CDK19: variants seen among roughly 807,000 people sequenced by gnomAD.
The protein encoded by CDK19 is cyclin dependent kinase 19.
In CDK19, 20 loss-of-function variants were observed where a neutral mutation model predicts 68.3. The ratio of observed to expected loss-of-function variants is 0.29; its 90% CI spans 0.21 to 0.43. CDK19 has a LOEUF of 0.43. Ranked by LOEUF, CDK19 falls within the 20% of genes least tolerant of loss-of-function variation. The pLI is 1.00. For missense variants in CDK19, 339 were observed against 623.5 expected (o/e 0.54, Z 4.86); for synonymous variants, 221 against 222.8 (o/e 0.99, Z 0.07).
intron 1 of CDK19, among the ~76,000 whole-genome samples, chr6:110,781,999 G>C (rs1780861050): frequency 6.6e-6 from 1 of 152,094 alleles, no homozygotes; most frequent in South Asian, 2.1e-4. Flanking sequence ...AAGTTTAAAA[G>C]CTCATGCTAT....
chr6:110,785,369 C>T (rs762872733), intron 1 of CDK19, among the ~76,000 whole-genome samples: 2 of 152,166 alleles, frequency 1.3e-5, no homozygotes, highest in Non-Finnish European at 2.9e-5. Flanking sequence ...TCATAGCCTA[C>T]TGTTGACTGG....
intron 4 of CDK19, among the ~76,000 whole-genome samples, chr6:110,656,373 G>T (rs1341486972): frequency 6.6e-6 from 1 of 152,146 alleles, no homozygotes; most frequent in Non-Finnish European, 1.5e-5. Context: ...AGCTAAAAAT[G>T]ACAATTAGGT....
At chr6:110,639,528 G>A (rs1319489461) in intron 4 of CDK19, among the ~76,000 whole-genome samples, 1 of 152,152 alleles carries the variant, frequency 6.6e-6, no homozygotes, top group Non-Finnish European at 1.5e-5. Context: ...TAAAAACCAA[G>A]TTCCTAACCT....
At chr6:110,720,551 T>C (rs1582945273) in intron 2 of CDK19, among the ~76,000 whole-genome samples, 1 of 152,152 alleles carries the variant, frequency 6.6e-6, no homozygotes, top group East Asian at 1.9e-4. Flanking sequence ...AAAGAGAAGC[T>C]AGCTTCACTA....
chr6:110,806,237 G>C (rs183073846), intron 1 of CDK19, among the ~76,000 whole-genome samples: 4 of 151,414 alleles, frequency 2.6e-5, no homozygotes, highest in Admixed American at 2.6e-4. Flanking sequence ...CTACTTGGGA[G>C]GCTGAGGCAG....
intron 2 of CDK19, among the ~76,000 whole-genome samples, chr6:110,708,374 C>T (rs1774687033): frequency 6.6e-6 from 1 of 152,194 alleles, no homozygotes; most frequent in African/African-American, 2.4e-5. Flanking sequence ...TTCTGCTAAC[C>T]CTGCAGCTGC....
At chr6:110,758,432 A>C (rs1034164482) in intron 1 of CDK19, among the ~76,000 whole-genome samples, 4 of 152,130 alleles carry the variant, frequency 2.6e-5, no homozygotes, top group Admixed American at 2.0e-4. Flanking sequence ...ACCTTACCAT[A>C]CTTTATTATA....
At chr6:110,809,683 A>G (rs1782933977) in intron 1 of CDK19, among the ~76,000 whole-genome samples, 1 of 152,260 alleles carries the variant, frequency 6.6e-6, no homozygotes. Context: ...TAAGAAAAGT[A>G]AATAAACTTG....
At chr6:110,626,300 C>T (rs1488190040) in intron 8 of CDK19, among the ~76,000 whole-genome samples, 1 of 152,134 alleles carries the variant, frequency 6.6e-6, no homozygotes, top group South Asian at 2.1e-4. Context: ...ATGCTAAAAT[C>T]TCAGTTTCTA....
chr6:110,750,012 C>T (rs1041107780), intron 1 of CDK19, among the ~76,000 whole-genome samples: 2 of 145,352 alleles, frequency 1.4e-5, no homozygotes, highest in African/African-American at 2.5e-5. Context: ...CCTGGTGATC[C>T]GCCCGCCTTG....
At position 110,678,849 on chromosome 6, in the gene CDK19, T is replaced by C. The variant is rs191433088; in HGVS notation, c.205-8308A>G. 2.0e-5 allele frequency among the ~76,000 whole-genome samples: 3 copies of C among 152,298 alleles called. No individual in the cohort carries two copies. The East Asian group carries it at 5.8e-4, about 29-fold the overall frequency. ...TAATTCTCAACTATAAGCATACAAA[T>C]TATGTGCTGTCCGGTAGAGGTTCAC... On this transcript the variant is annotated intron_variant, in intron 2 of 12. Coordinates refer to ENST00000368911, the MANE Select transcript of CDK19 (RefSeq NM_015076.5).
intron 2 of CDK19, among the ~76,000 whole-genome samples, chr6:110,733,126 G>A (rs1438229288): frequency 1.3e-5 from 2 of 152,096 alleles, no homozygotes; most frequent in East Asian, 3.8e-4. Context: ...GCCCACCCAA[G>A]GCAATCACTA....
At chr6:110,705,198 G>A (rs1164147125) in intron 2 of CDK19, among the ~76,000 whole-genome samples, 3 of 151,986 alleles carry the variant, frequency 2.0e-5, no homozygotes, top group Admixed American at 1.3e-4. Context: ...GCGCCACCAC[G>A]CCCGGCTAAT....
intron 2 of CDK19, among the ~76,000 whole-genome samples, chr6:110,733,455 G>T (rs541652621): frequency 6.6e-6 from 1 of 152,128 alleles, no homozygotes; most frequent in African/African-American, 2.4e-5. Context: ...TTTCTCTTGG[G>T]TACAAATTAC....
chr6:110,783,819 T>A (rs1780994774), intron 1 of CDK19, among the ~76,000 whole-genome samples: 1 of 152,078 alleles, frequency 6.6e-6, no homozygotes, highest in Non-Finnish European at 1.5e-5. Flanking sequence ...TAAAAACTTT[T>A]GTGATTCAAA....
At chr6:110,655,853 A>G (rs1407963053) in intron 4 of CDK19, among the ~76,000 whole-genome samples, 6 of 152,210 alleles carry the variant, frequency 3.9e-5, no homozygotes, top group Non-Finnish European at 8.8e-5. Context: ...AGCTCAGGAA[A>G]CTGGACACAG....
rs1417915086 is a variant in CDK19 at position 110,617,820 on chromosome 6, G to A, written c.1378-3154C>T. 8.2e-5 allele frequency among the ~76,000 whole-genome samples: 9 copies of A among 109,716 alleles called. No homozygotes were observed. In the South Asian group the frequency reaches 1.5e-3, roughly 18 times the overall value. 72.0% of individuals were successfully genotyped at this position (109,716 alleles called of 152,430 possible). On this transcript the variant is annotated intron_variant, in intron 12 of 12. Coordinates refer to ENST00000368911, the MANE Select transcript of CDK19 (RefSeq NM_015076.5). ...TGTAGTGAGCCAAGATCACGTCACC[G>A]CACTCCAGCCTGGGTGACACAGTGA...
At chr6:110,781,777 G>C (rs1385173654) in intron 1 of CDK19, among the ~76,000 whole-genome samples, 2 of 151,392 alleles carry the variant, frequency 1.3e-5, no homozygotes, top group Non-Finnish European at 2.9e-5. Flanking sequence ...TCAGGAGGTG[G>C]AAGCTGCGGT....
intron 1 of CDK19, among the ~76,000 whole-genome samples, chr6:110,782,475 T>G (rs1026963893): frequency 1.3e-5 from 2 of 152,228 alleles, no homozygotes; most frequent in African/African-American, 4.8e-5. Context: ...AACAGCCATC[T>G]ACTTCCAATG....
Sources: gnomAD v4.1 joint callset for allele counts (sites outside exome capture counted in the v4.1 genomes callset) on GRCh38, gnomAD v4.1.1 for gene constraint, MANE v1.5 for transcripts, NCBI Gene and HGNC (gene_info 2026-07-23, HGNC 2026-07-21) for gene names.